The following AKAP6 variants were observed in gnomAD, a reference collection of about 807,000 sequenced individuals.
AKAP6 encodes A-kinase anchoring protein 6, also known as A-kinase anchor protein 6.
A neutral mutation model predicts 188.5 loss-of-function variants in AKAP6; 58 were observed. The ratio of observed to expected loss-of-function variants is 0.31; its 90% CI spans 0.25 to 0.38. The LOEUF is 0.38. AKAP6 is among the 10% of genes least tolerant of loss of function. AKAP6 has a pLI of 1.00. For missense variants in AKAP6, 2,710 were observed against 2,740.0 expected (o/e 0.99, Z 0.24); for synonymous variants, 989 against 998.6 (o/e 0.99, Z 0.18).
chr14:32,554,482 G>A (rs1594739404), intron 4 of AKAP6, among the ~76,000 whole-genome samples: 2 of 152,166 alleles, frequency 1.3e-5, no homozygotes, highest in African/African-American at 4.8e-5. Flanking sequence ...GACTTGCTCA[G>A]GGTCATAATG....
rs141411193 is a variant in AKAP6, at chr14:32,630,832, A to G, written c.2730+30040A>G. Among the ~76,000 whole-genome samples the G allele has an allele frequency of 3.2e-3, 494 of 152,194 alleles. 2 individuals are homozygous for G. Among genetic ancestry groups the G allele is most frequent in the African/African-American group, 0.011 (448 of 41,542 alleles). On this transcript the variant is annotated intron_variant, in intron 7 of 13. Transcript: ENST00000280979. ...GAAGAAAACCTGGAAAGTACAGAAAATAATACAAAATAAATAAAATCACAA... is the reference window on the plus strand; with the variant it reads ...GAAGAAAACCTGGAAAGTACAGAAAGTAATACAAAATAAATAAAATCACAA...
chr14:32,561,471 G>A (rs1167152756), intron 4 of AKAP6, among the ~76,000 whole-genome samples: 1 of 152,112 alleles, frequency 6.6e-6, no homozygotes, highest in African/African-American at 2.4e-5. Context: ...TAACTGTGAG[G>A]AATAACTAAG....
intron 11 of AKAP6, among the ~76,000 whole-genome samples, chr14:32,746,488 G>A (rs988523457): frequency 6.6e-6 from 1 of 152,092 alleles, no homozygotes; most frequent in Non-Finnish European, 1.5e-5. Context: ...CCTGGAACGG[G>A]GGCCTTAAAA....
At chr14:32,573,624 G>T (rs1217337987) in intron 4 of AKAP6, among the ~76,000 whole-genome samples, 9 of 152,138 alleles carry the variant, frequency 5.9e-5, no homozygotes, top group Non-Finnish European at 1.2e-4. Context: ...CTAGTAGTGT[G>T]CTTTTTCACA....
At position 32,452,810 on chromosome 14, in the gene AKAP6, G is replaced by A. The variant is rs78742256; in HGVS notation, c.324+18993G>A. Reference sequence around the variant, plus strand: ...GGGGCAAGTGACTGAAATTCTCTAAGTCTCATTTAATTTTTCTGTTCAAAA... The same window carrying A: ...GGGGCAAGTGACTGAAATTCTCTAAATCTCATTTAATTTTTCTGTTCAAAA... On this transcript the variant is annotated intron_variant, in intron 2 of 13. Coordinates refer to ENST00000280979, the MANE Select transcript of AKAP6 (RefSeq NM_004274.5). Among the ~76,000 whole-genome samples, 10 of 152,264 alleles carry A rather than the reference G, an allele frequency of 6.6e-5. No individual in the cohort carries two copies. The East Asian group carries it at 1.2e-3, about 18-fold the overall frequency.
At position 32,835,854 on chromosome 14, in the gene AKAP6, C is replaced by G. The variant is rs2034869962; in HGVS notation, c.*6049C>G. 1 of 152,204 alleles carries G rather than the reference C, an allele frequency of 6.6e-6. No individual in the cohort carries two copies. The highest frequency in any genetic ancestry group is 1.5e-5 in the Non-Finnish European group (1 of 68,046). The allele number at this position is 152,204 out of a possible 1,614,324, so 9.4% of individuals were successfully genotyped here. A position where few individuals can be genotyped will look rare whatever the true frequency, so the allele number is the denominator to read the frequency against. On this transcript the variant is annotated 3_prime_UTR_variant, in exon 14 of 14. Transcript: ENST00000280979. ...ATAGCCACTTCTTTTTTAAAAGCAG[C>G]CACATACCTTCTATATAACAATGGC...
intron 5 of AKAP6, among the ~76,000 whole-genome samples, chr14:32,585,882 C>G (rs915618808): frequency 1.3e-5 from 2 of 152,038 alleles, no homozygotes; most frequent in African/African-American, 4.8e-5. Flanking sequence ...TGTGGTGTAG[C>G]TGAGACTAGA....
intron 2 of AKAP6, among the ~76,000 whole-genome samples, chr14:32,436,832 A>G (rs1401908493): frequency 6.6e-6 from 1 of 152,138 alleles, no homozygotes; most frequent in African/African-American, 2.4e-5. Context: ...GCTTCTCTGG[A>G]GGCTGAGATG....
intron 1 of AKAP6, among the ~76,000 whole-genome samples, chr14:32,424,436 C>T (rs374552726): frequency 6.6e-6 from 1 of 151,842 alleles, no homozygotes; most frequent in Non-Finnish European, 1.5e-5. Context: ...TCCTTCACCT[C>T]CCTTCCATCT....
chr14:32,834,463 C>T lies in AKAP6; in HGVS notation c.*4658C>T, dbSNP rs2034853148. ...GTTTCTCTAACTACCCAAATTATGT[C>T]CTCTTATAGTTGTTTTTGTTTTAAT... On this transcript the variant is annotated 3_prime_UTR_variant, in exon 14 of 14. Coordinates refer to ENST00000280979, the MANE Select transcript of AKAP6 (RefSeq NM_004274.5). 6.7e-6 allele frequency: 1 copy of T among 150,344 alleles called. No homozygotes were observed. The highest frequency in any genetic ancestry group is 2.4e-5 in the African/African-American group (1 of 41,034). The allele number at this position is 150,344 out of a possible 1,614,324, so 9.3% of individuals were successfully genotyped here.
chr14:32,361,251 C>G (rs1887654350), intron 1 of AKAP6, among the ~76,000 whole-genome samples: 1 of 151,732 alleles, frequency 6.6e-6, no homozygotes, highest in Admixed American at 6.6e-5. Context: ...AACATTTGAG[C>G]TGGACTCTTA....
intron 4 of AKAP6, among the ~76,000 whole-genome samples, chr14:32,549,381 A>G (rs1883351069): frequency 6.6e-6 from 1 of 152,234 alleles, no homozygotes; most frequent in African/African-American, 2.4e-5. Flanking sequence ...ATTCAGACAG[A>G]TAAAGGAAAA....
In AKAP6 at chr14:32,567,393, G is replaced by A. The variant is rs535175732; in HGVS notation, c.2347-9727G>A. Among the ~76,000 whole-genome samples the A allele has an allele frequency of 2.6e-5, 4 of 152,128 alleles. No homozygotes were observed. The East Asian group carries it at 5.8e-4, about 22-fold the overall frequency. ...ATGTGTTTAGATAATACTGTTTTCTGTCTTCTTGGCTCCCATGACAGTACA... is the reference window on the plus strand; with the variant it reads ...ATGTGTTTAGATAATACTGTTTTCTATCTTCTTGGCTCCCATGACAGTACA... On this transcript the variant is annotated intron_variant, in intron 4 of 13. Transcript: ENST00000280979.
At chr14:32,339,486 G>GA (rs1886826125) in intron 1 of AKAP6, among the ~76,000 whole-genome samples, 5 of 152,192 alleles carry the variant, frequency 3.3e-5, no homozygotes, top group Non-Finnish European at 7.4e-5. Context: ...GGGTTTCTAT[G>GA]AGGAAGCTGG....
intron 7 of AKAP6, among the ~76,000 whole-genome samples, chr14:32,677,602 G>C (rs954195201): frequency 6.6e-6 from 1 of 152,166 alleles, no homozygotes; most frequent in Non-Finnish European, 1.5e-5. Context: ...AATCACAACA[G>C]CTGCAATAAA....
At chr14:32,808,069 A>G (rs1321450391) in intron 12 of AKAP6, among the ~76,000 whole-genome samples, 2 of 152,220 alleles carry the variant, frequency 1.3e-5, no homozygotes, top group African/African-American at 4.8e-5. Flanking sequence ...GGACTAAAAC[A>G]TCTCACATTC....
intron 2 of AKAP6, among the ~76,000 whole-genome samples, chr14:32,478,883 G>T (rs189797118): frequency 1.3e-5 from 2 of 152,146 alleles, no homozygotes; most frequent in Non-Finnish European, 2.9e-5. Flanking sequence ...GATTTCTACT[G>T]TGTCCCCCCT....
intron 2 of AKAP6, among the ~76,000 whole-genome samples, chr14:32,462,917 A>AAAC (rs1891391585): frequency 1.3e-5 from 1 of 74,278 alleles, no homozygotes; most frequent in Non-Finnish European, 2.3e-5. Context: ...AAAAAAAAAA[A>AAAC]AAAAAAAAAC....
At chr14:32,778,029 C>T (rs2033121883) in intron 12 of AKAP6, among the ~76,000 whole-genome samples, 1 of 151,806 alleles carries the variant, frequency 6.6e-6, no homozygotes, top group African/African-American at 2.4e-5. Context: ...ACAGTCAGAC[C>T]CTGTCTCAGA....
Sources: allele counts gnomAD v4.1 joint callset (sites outside exome capture counted in the v4.1 genomes callset), GRCh38; gene constraint gnomAD v4.1.1; transcripts MANE v1.5; gene names NCBI Gene and HGNC (gene_info 2026-07-23, HGNC 2026-07-21).